Variants in MKLN1 observed in about 807,000 individuals in gnomAD.
MKLN1 encodes the protein muskelin 1.
A neutral mutation model predicts 99.0 loss-of-function variants in MKLN1; 18 were observed. The observed-to-expected ratio is 0.18, with a 90% CI of 0.13 to 0.27. The LOEUF (loss-of-function observed/expected upper bound fraction) is 0.27, where lower values mean the gene tolerates loss of function less well. MKLN1 is among the 10% of genes least tolerant of loss of function. MKLN1 has a pLI of 1.00. For synonymous variants in MKLN1, 288 were observed against 293.2 expected (o/e 0.98, Z 0.18); for missense variants, 621 against 875.9 (o/e 0.71, Z 3.67).
chr7:131,434,417 G>T (rs1795618639), intron 9 of MKLN1, among the ~76,000 whole-genome samples: 1 of 151,946 alleles, frequency 6.6e-6, no homozygotes, highest in African/African-American at 2.4e-5. Flanking sequence ...AAATACAATT[G>T]GTTTGTTAAT....
intron 3 of MKLN1, among the ~76,000 whole-genome samples, chr7:131,279,264 G>A (rs1798016654): frequency 1.3e-5 from 2 of 152,216 alleles, no homozygotes; most frequent in African/African-American, 4.8e-5. Context: ...GACAGGAGTA[G>A]GGGGAGATTG....
intron 3 of MKLN1, among the ~76,000 whole-genome samples, chr7:131,243,305 C>G (rs1018896218): frequency 1.7e-4 from 26 of 152,108 alleles, no homozygotes; most frequent in Non-Finnish European, 3.4e-4. Flanking sequence ...TTCAGGGGGC[C>G]TAGATACAGT....
chr7:131,211,009 T>C (rs1253641004), intron 3 of MKLN1, among the ~76,000 whole-genome samples: 1 of 151,816 alleles, frequency 6.6e-6, no homozygotes, highest in Non-Finnish European at 1.5e-5. Context: ...TGTCCTGGAC[T>C]AGAGTATACA....
rs148328174 is a variant in MKLN1 at position 131,208,116 on chromosome 7, A to G, written c.-179+5142A>G. Among the ~76,000 whole-genome samples the G allele has an allele frequency of 1.2e-3, 182 of 152,308 alleles. 2 individuals are homozygous for G. Among genetic ancestry groups the G allele is most frequent in the African/African-American group, 4.2e-3 (175 of 41,580 alleles). ...GGCAAAGAGAAGTAAGTCAGTGGAG[A>G]GGGCATTTGATAACTGCACTGAAAG... is the stretch of plus-strand genomic sequence containing the variant. On this transcript the variant is annotated intron_variant, in intron 3 of 7. Transcript: ENST00000416992.
At position 131,192,119 on chromosome 7, in the gene MKLN1, AC is replaced by A. The variant is rs1451095820; in HGVS notation, c.-296-10737del. 9.8e-4 allele frequency among the ~76,000 whole-genome samples: 82 copies of A among 83,560 alleles called. 9 individuals carry two copies. Among genetic ancestry groups the A allele is most frequent in the African/African-American group, 1.9e-3 (36 of 19,252 alleles). The allele number at this position is 83,560 out of a possible 152,430, so 54.8% of individuals were successfully genotyped here. On this transcript the variant is annotated intron_variant, in intron 2 of 7. Coordinates refer to the MKLN1 transcript ENST00000416992. Reference sequence around the variant, plus strand: ...ATATGTATATATATATTATATATATACGTATATATATAAAAATATATATACG... The same window carrying A: ...ATATGTATATATATATTATATATATAGTATATATATAAAAATATATATACG...
intron 3 of MKLN1, among the ~76,000 whole-genome samples, chr7:131,223,501 C>T (rs548481595): frequency 1.8e-4 from 27 of 152,336 alleles, no homozygotes; most frequent in South Asian, 1.0e-3. Flanking sequence ...GCTGCCTACA[C>T]TAACCCTGAC....
intron 1 of MKLN1, among the ~76,000 whole-genome samples, chr7:131,341,081 T>C (rs1404397237): frequency 6.6e-6 from 1 of 152,210 alleles, no homozygotes; most frequent in Non-Finnish European, 1.5e-5. Context: ...TAATAGTTTT[T>C]AATAGTTTTT....
intron 2 of MKLN1, among the ~76,000 whole-genome samples, chr7:131,145,195 C>T (rs1052501998): frequency 2.0e-5 from 3 of 152,130 alleles, no homozygotes; most frequent in African/African-American, 7.2e-5. Flanking sequence ...ATTCTCTCCC[C>T]ACCCCCAATC....
At chr7:131,358,310 C>T (rs931467447) in intron 1 of MKLN1, among the ~76,000 whole-genome samples, 1 of 152,084 alleles carries the variant, frequency 6.6e-6, no homozygotes, top group Non-Finnish European at 1.5e-5. Flanking sequence ...GATCATATGA[C>T]TTTCTTCTTT....
intron 15 of MKLN1, 125 bp from the exon 16 acceptor site, chr7:131,470,717 C>A: frequency 1.5e-6 from 1 of 667,802 alleles, no homozygotes; most frequent in Non-Finnish European, 2.6e-6. Context: ...CCTAAACTGA[C>A]ATTTTCTAAA....
chr7:131,453,538 A>C (rs1796247459), intron 12 of MKLN1, among the ~76,000 whole-genome samples: 1 of 152,178 alleles, frequency 6.6e-6, no homozygotes, highest in African/African-American at 2.4e-5. Context: ...ATAAGTAAAT[A>C]AATAAATATG....
In MKLN1 at chr7:131,371,765, C is replaced by CATAT. The variant is rs149627807; in HGVS notation, c.99-3645_99-3642dup. On this transcript the variant is annotated intron_variant, in intron 1 of 17. Transcript: ENST00000352689. ...TTTACATTATACTTGACATATATAA[C>CATAT]ATATATATATATATATACACTTAAT... is the stretch of plus-strand genomic sequence containing the variant. Among the ~76,000 whole-genome samples, 583 of 147,666 alleles carry CATAT rather than the reference C, an allele frequency of 3.9e-3. 6 individuals carry two copies. Among genetic ancestry groups the CATAT allele is most frequent in the East Asian group, 0.036 (183 of 5,062 alleles).
rs374832965 is a variant in MKLN1, at chr7:131,365,611, A to T, written c.99-9813A>T. On this transcript the variant is annotated intron_variant, in intron 1 of 17. Coordinates refer to ENST00000352689, the MANE Select transcript of MKLN1 (RefSeq NM_013255.5). ...TAAGTCTTTAATCTATCTCGAGTTG[A>T]TTTTTGTATATGATGTGAGGAAGGG... is the stretch of plus-strand genomic sequence containing the variant. 2.0e-5 allele frequency among the ~76,000 whole-genome samples: 3 copies of T among 151,810 alleles called. No homozygotes were observed. The East Asian group carries it at 5.8e-4, about 29-fold the overall frequency.
intron 8 of MKLN1, 32 bp from the exon 9 acceptor site, chr7:131,429,001 T>C (rs113719529): frequency 6.3e-6 from 10 of 1,575,126 alleles, no homozygotes; most frequent in Non-Finnish European, 8.7e-6. Flanking sequence ...TTTGTCCTTT[T>C]TTTTTTACAC....
intron 1 of MKLN1, among the ~76,000 whole-genome samples, chr7:131,128,205 C>CAAA (rs11339275): frequency 1.2e-5 from 1 of 85,308 alleles, no homozygotes. Flanking sequence ...GCCTCTGATT[C>CAAA]AAAAAAAAAA....
chr7:131,262,939 A>T (rs1391801345), intron 3 of MKLN1, among the ~76,000 whole-genome samples: 1 of 151,982 alleles, frequency 6.6e-6, no homozygotes, highest in Non-Finnish European at 1.5e-5. Flanking sequence ...TGTCTTGATG[A>T]TTCTGGGGCA....
In MKLN1 at chr7:131,470,130, G is replaced by A. The variant is rs1314945372; in HGVS notation, c.1929-712G>A. Among the ~76,000 whole-genome samples the A allele has an allele frequency of 2.0e-5, 3 of 152,114 alleles. No individual in the cohort carries two copies. In the East Asian group the frequency reaches 5.8e-4, roughly 29 times the overall value. On this transcript the variant is annotated intron_variant, in intron 15 of 17. Transcript: ENST00000352689. ...AGTCCACCCACCTTGACTTCCCAAA[G>A]TGTTGGGATTACAGGCATGAGCCAC...
chr7:131,426,541 T>G (rs71578976), intron 8 of MKLN1, among the ~76,000 whole-genome samples: 2 of 152,208 alleles, frequency 1.3e-5, no homozygotes. Flanking sequence ...GTTTTATAGT[T>G]CCAAGATAGG....
At chr7:131,458,808 T>C (rs983821445) in intron 12 of MKLN1, among the ~76,000 whole-genome samples, 3 of 152,176 alleles carry the variant, frequency 2.0e-5, no homozygotes, top group African/African-American at 7.2e-5. Context: ...GAAAGTTAGT[T>C]CCATATCTTT....
Sources: gnomAD v4.1 joint callset for allele counts (sites outside exome capture counted in the v4.1 genomes callset) on GRCh38, gnomAD v4.1.1 for gene constraint, MANE v1.5 for transcripts, NCBI Gene and HGNC (gene_info 2026-07-23, HGNC 2026-07-21) for gene names.